FOXN3: variants seen among roughly 807,000 people sequenced by gnomAD.
The protein encoded by FOXN3 is forkhead box protein N3.
FOXN3 carries 7 observed loss-of-function variants against 38.4 expected under a neutral mutation model. That is an observed-to-expected ratio of 0.18 (90% CI 0.10 to 0.34). The LOEUF (loss-of-function observed/expected upper bound fraction) is 0.34, where lower values mean the gene tolerates loss of function less well. Ranked by LOEUF, FOXN3 falls within the 10% of genes least tolerant of loss-of-function variation. The pLI is 1.00. For missense variants in FOXN3, 456 were observed against 613.4 expected, an observed-to-expected ratio of 0.74 and a Z score of 2.71; for synonymous variants, 230 against 242.2, an observed-to-expected ratio of 0.95 and a Z score of 0.47.
At chr14:89,530,992 CAT>C (rs1026743909) in intron 1 of FOXN3, among the ~76,000 whole-genome samples, 25 of 146,736 alleles carry the variant, frequency 1.7e-4, no homozygotes, top group Admixed American at 1.3e-3. Context: ...TATATCTACA[CAT>C]ATATAATATA....
At chr14:89,415,774 T>C (rs1891683525) in intron 1 of FOXN3, among the ~76,000 whole-genome samples, 1 of 151,126 alleles carries the variant, frequency 6.6e-6, no homozygotes, top group Admixed American at 6.6e-5. Flanking sequence ...ACATTTTTAA[T>C]CTGCTGCCAA....
intron 1 of FOXN3, among the ~76,000 whole-genome samples, chr14:89,525,438 G>A (rs1213230053): frequency 1.3e-5 from 2 of 152,128 alleles, no homozygotes; most frequent in Admixed American, 1.3e-4. Flanking sequence ...ATATGGTCTA[G>A]AAAGGACAGG....
chr14:89,599,667 T>C (rs1478165472), intron 1 of FOXN3, among the ~76,000 whole-genome samples: 6 of 152,178 alleles, frequency 3.9e-5, no homozygotes, highest in Admixed American at 6.5e-5. Context: ...CCTGAGTTTC[T>C]GGGAAAAGCA....
At chr14:89,498,437 G>T (rs1042880959) in intron 1 of FOXN3, among the ~76,000 whole-genome samples, 1 of 151,786 alleles carries the variant, frequency 6.6e-6, no homozygotes, top group Non-Finnish European at 1.5e-5. Flanking sequence ...TAGCCAGGAT[G>T]GTCTCGATCC....
rs10681650 is a variant in FOXN3, at chr14:89,385,499, TAAAAA to T, written c.543+26430_543+26434del. On this transcript the variant is annotated intron_variant, in intron 2 of 5. Coordinates refer to ENST00000557258, the MANE Select transcript of FOXN3 (RefSeq NM_005197.4). ...AATAACAAAAGCTGAGGCAAACATT[TAAAAA>T]AAAAAAAAAAAAAAAAAGGAGGGCT... Among the ~76,000 whole-genome samples the T allele has an allele frequency of 3.7e-5, 4 of 108,836 alleles. No homozygotes were observed. In the South Asian group the frequency reaches 1.1e-3, roughly 31 times the overall value. The allele number at this position is 108,836 out of a possible 152,430, so 71.4% of individuals were successfully genotyped here.
intron 3 of FOXN3, among the ~76,000 whole-genome samples, chr14:89,316,852 A>G (rs1887733944): frequency 6.6e-6 from 1 of 152,004 alleles, no homozygotes; most frequent in East Asian, 1.9e-4. Context: ...TTTAGTAGAG[A>G]CGGGGTTTCG....
At chr14:89,307,790 C>T (rs1201765067) in intron 3 of FOXN3, among the ~76,000 whole-genome samples, 2 of 152,200 alleles carry the variant, frequency 1.3e-5, no homozygotes, top group African/African-American at 4.8e-5. Flanking sequence ...AAGTGCCATT[C>T]TTAACCTTTC....
At chr14:89,381,507 GC>G (rs1487905528) in intron 2 of FOXN3, among the ~76,000 whole-genome samples, 1 of 121,650 alleles carries the variant, frequency 8.2e-6, no homozygotes, top group East Asian at 2.4e-4. Flanking sequence ...CCCTGCACCT[GC>G]AGCCCAAAAA....
chr14:89,192,817 GA>G (rs1887995136), intron 4 of FOXN3, among the ~76,000 whole-genome samples: 1 of 146,656 alleles, frequency 6.8e-6, no homozygotes. Context: ...ATAAGATATA[GA>G]AAAATATATA....
intron 3 of FOXN3, among the ~76,000 whole-genome samples, chr14:89,299,824 A>C (rs760636761): frequency 3.3e-5 from 5 of 152,220 alleles, no homozygotes; most frequent in Non-Finnish European, 7.3e-5. Context: ...CCAGCTGAGG[A>C]CTAGACAATG....
At chr14:89,613,723 G>A (rs1896440040) in intron 1 of FOXN3, among the ~76,000 whole-genome samples, 1 of 152,142 alleles carries the variant, frequency 6.6e-6, no homozygotes, top group African/African-American at 2.4e-5. Context: ...TAGAAACATG[G>A]CAAGCACAAT....
At chr14:89,355,751 A>T (rs1889193225) in intron 2 of FOXN3, among the ~76,000 whole-genome samples, 1 of 152,272 alleles carries the variant, frequency 6.6e-6, no homozygotes, top group African/African-American at 2.4e-5. Context: ...CAAGTAACAT[A>T]CACTTCTTAC....
chr14:89,218,939 A>T (rs985942464), intron 4 of FOXN3, among the ~76,000 whole-genome samples: 5 of 152,174 alleles, frequency 3.3e-5, no homozygotes, highest in Admixed American at 6.5e-5. Context: ...ACCCGCTAAG[A>T]CTTTCCCTAA....
At chr14:89,572,599 T>G (rs1895517937) in intron 1 of FOXN3, among the ~76,000 whole-genome samples, 1 of 152,242 alleles carries the variant, frequency 6.6e-6, no homozygotes, top group South Asian at 2.1e-4. Flanking sequence ...ATCTTCCCCT[T>G]TCCTATCATT....
chr14:89,378,494 C>T (rs1456754096), intron 2 of FOXN3, among the ~76,000 whole-genome samples: 5 of 152,156 alleles, frequency 3.3e-5, no homozygotes, highest in African/African-American at 1.2e-4. Context: ...GATTTTTCAT[C>T]GCTGAGCAGA....
At chr14:89,313,466 G>A (rs1445047347) in intron 3 of FOXN3, among the ~76,000 whole-genome samples, 1 of 152,102 alleles carries the variant, frequency 6.6e-6, no homozygotes, top group East Asian at 1.9e-4. Context: ...GCTGAAGCAG[G>A]GGAATCGCTT....
intron 4 of FOXN3, among the ~76,000 whole-genome samples, chr14:89,266,778 T>C (rs928293621): frequency 1.3e-5 from 2 of 152,134 alleles, no homozygotes; most frequent in African/African-American, 4.8e-5. Flanking sequence ...TGTTGCTGCC[T>C]CTCTTAAATC....
Position 89,618,555 on chromosome 14 carries a change from A to C in FOXN3, c.-15+473T>G, listed in dbSNP as rs371336095. Among the ~76,000 whole-genome samples the C allele has an allele frequency of 2.5e-4, 38 of 152,356 alleles. No individual in the cohort carries two copies. In the South Asian group the frequency reaches 7.9e-3, roughly 32 times the overall value. The stretch of plus-strand genomic sequence containing the variant: ...TATAATTGATAGCCAAACAGTTGCG[A>C]CAGCAATGCTGTAAACTCTGCCCAG... On this transcript the variant is annotated intron_variant, in intron 1 of 6. Transcript: ENST00000345097.
intron 1 of FOXN3, among the ~76,000 whole-genome samples, chr14:89,579,150 ATTT>A (rs35744248): frequency 0.22 from 28,000 of 127,648 alleles, 3,635 homozygotes; most frequent in East Asian, 0.44. Context: ...ATGCCCAGCC[ATTT>A]TTTTTTTTTT....
Sources: gnomAD v4.1 joint callset for allele counts (sites outside exome capture counted in the v4.1 genomes callset) on GRCh38, gnomAD v4.1.1 for gene constraint, MANE v1.5 for transcripts, NCBI Gene and HGNC (gene_info 2026-07-23, HGNC 2026-07-21) for gene names.